Variants in DNA2 observed in about 807,000 individuals in gnomAD.
DNA2 encodes DNA replication ATP-dependent helicase/nuclease DNA2.
Under a neutral mutation model 119.1 loss-of-function variants are expected in DNA2, and 101 were observed. The ratio of observed to expected loss-of-function variants is 0.85; its 90% CI spans 0.72 to 1.00. The LOEUF is 1.00. Ranked by LOEUF, DNA2 falls within the 50% of genes least tolerant of loss-of-function variation. The pLI is 0.00. For missense variants in DNA2, 1,121 were observed against 1,255.5 expected (o/e 0.89, Z 1.62); for synonymous variants, 366 against 424.4 (o/e 0.86, Z 1.69).
intron 13 of DNA2, among the ~76,000 whole-genome samples, chr10:68,430,943 G>A (rs2051812226): frequency 6.6e-6 from 1 of 152,040 alleles, no homozygotes; most frequent in Non-Finnish European, 1.5e-5. Context: ...AGACTTGCCT[G>A]GGCAACAAAG....
chr10:68,457,284 G>C (rs928950426), intron 5 of DNA2, among the ~76,000 whole-genome samples: 1 of 152,136 alleles, frequency 6.6e-6, no homozygotes, highest in Non-Finnish European at 1.5e-5. Context: ...CATCACACTA[G>C]TTCGCTGAGA....
chr10:68,444,985 T>C lies in DNA2; in HGVS notation c.1156A>G (p.Ile386Val). ...QKTQLASLPQ[I>V]IEEEKTCKYC... ...TTACAAGTTTTCTCTTCCTCAATTA[T>C]TTGTGGCAAAGAAGCAAGCTGTGTC... Residue 386 changes from isoleucine to valine, a missense_variant, in exon 8 of 21, where the codon ATA becomes GTA. By Grantham distance (29) the Ile-to-Val change is conservative (BLOSUM62 3). Coordinates refer to ENST00000358410, the MANE Select transcript of DNA2 (RefSeq NM_001080449.3). 1 of 1,613,630 alleles carries C rather than the reference T, an allele frequency of 6.2e-7. No individual in the cohort carries two copies. Among genetic ancestry groups the C allele is most frequent in the African/African-American group, 1.3e-5 (1 of 75,038 alleles).
chr10:68,469,493 G>A (rs760190011), intron 2 of DNA2, among the ~76,000 whole-genome samples: 7 of 151,358 alleles, frequency 4.6e-5, no homozygotes, highest in Non-Finnish European at 7.4e-5. Context: ...ATGAAGTTTC[G>A]CTCTTGTTGC....
intron 6 of DNA2, among the ~76,000 whole-genome samples, chr10:68,448,500 A>C (rs2052071330): frequency 6.6e-6 from 1 of 152,162 alleles, no homozygotes; most frequent in Non-Finnish European, 1.5e-5. Flanking sequence ...ATGAACTACC[A>C]TAATTAATTT....
At chr10:68,468,081 C>T in intron 3 of DNA2, 42 bp downstream of exon 3, 1 of 1,421,054 alleles carries the variant, frequency 7.0e-7, no homozygotes, top group Non-Finnish European at 9.4e-7. Context: ...CTCTGTAAAA[C>T]TCTCAGACCC....
chr10:68,454,940 A>AT (rs113945256), intron 5 of DNA2, among the ~76,000 whole-genome samples: 6,405 of 138,624 alleles, frequency 0.046, 190 homozygotes, highest in Middle Eastern at 0.092. Context: ...TAAAATTAGG[A>AT]TTTTTTTTTT....
In DNA2 at chr10:68,465,802, G is replaced by T. The variant is rs369206536; in HGVS notation, c.452C>A (p.Pro151Gln). ...ACCAATTAGCATTTGGCGTGTGGCTGGATCAGAGCTCTACAAAAGCAAATC... is the reference window on the plus strand; with the variant it reads ...ACCAATTAGCATTTGGCGTGTGGCTTGATCAGAGCTCTACAAAAGCAAATC... ...VLSETFRSSDPATRQMLIGTV... is the reference protein window; with the variant it reads ...VLSETFRSSDQATRQMLIGTV... The change falls in exon 4 of 21, where the codon CCA becomes CAA. Residue 151 changes from proline to glutamine, a missense_variant. By Grantham distance (76) the Pro-to-Gln change is moderately conservative. Coordinates refer to ENST00000358410, the MANE Select transcript of DNA2 (RefSeq NM_001080449.3). The T allele has an allele frequency of 5.8e-6, 9 of 1,554,668 alleles. No individual in the cohort carries two copies. The highest frequency in any genetic ancestry group is 7.8e-6 in the Non-Finnish European group (9 of 1,151,540).
intron 9 of DNA2, among the ~76,000 whole-genome samples, chr10:68,439,226 C>T (rs914973396): frequency 6.6e-6 from 1 of 151,050 alleles, no homozygotes; most frequent in East Asian, 2.0e-4. Flanking sequence ...GAAACCCCAT[C>T]CCTACTAAAA....
chr10:68,468,187 G>T lies in DNA2; in HGVS notation c.377C>A (p.Ser126Tyr), dbSNP rs1471609645. 6.2e-7 allele frequency: 1 copy of T among 1,611,408 alleles called. No homozygotes were observed. Among genetic ancestry groups the T allele is most frequent in the Admixed American group, 1.7e-5 (1 of 59,648 alleles). Residue 126 changes from serine to tyrosine, a missense_variant, in exon 3 of 21, where the codon TCT becomes TAT. By Grantham distance (144) the Ser-to-Tyr change is moderately radical. Transcript: ENST00000358410. The stretch of plus-strand genomic sequence containing the variant: ...AATACTACTGGCTATGCTGGTGCCA[G>T]AAATCAGCATGTCTGGATACAGAAT... ...YLILYPDMLI[S>Y]GTSIASSIRC...
At chr10:68,424,338 T>C (rs1446183031) in intron 14 of DNA2, among the ~76,000 whole-genome samples, 7 of 151,890 alleles carry the variant, frequency 4.6e-5, no homozygotes, top group Admixed American at 3.9e-4. Flanking sequence ...AACCGGTCTC[T>C]ACAAAAAATA....
intron 20 of DNA2, among the ~76,000 whole-genome samples, chr10:68,415,505 A>C (rs113468703): frequency 0.036 from 5,445 of 151,940 alleles, 302 homozygotes; most frequent in African/African-American, 0.12. Flanking sequence ...CGAACTCCCA[A>C]CCTCAGGTAG....
At chr10:68,432,541 C>T in intron 10 of DNA2, 31 bp from the exon 11 acceptor site, 1 of 1,198,334 alleles carries the variant, frequency 8.3e-7, no homozygotes, top group Non-Finnish European at 1.2e-6. Flanking sequence ...TACATGAATG[C>T]TCGCCATTTC....
intron 14 of DNA2, among the ~76,000 whole-genome samples, chr10:68,427,277 G>C (rs1344951029): frequency 1.3e-5 from 2 of 151,824 alleles, no homozygotes; most frequent in Non-Finnish European, 2.9e-5. Flanking sequence ...AGAATCACTT[G>C]AACCTGGGAG....
In DNA2 at chr10:68,465,761, C is replaced by T; in HGVS notation, c.493G>A (p.Val165Met). 1 of 1,607,132 alleles carries T rather than the reference C, an allele frequency of 6.2e-7. No individual in the cohort carries two copies. The highest frequency in any genetic ancestry group is 8.5e-7 in the Non-Finnish European group (1 of 1,176,864). The stretch of plus-strand genomic sequence containing the variant: ...CTATTATTTATGGCTTTTTGAAACA[C>T]CTCATGGAGAACCGTACCAATTAGC... ...QMLIGTVLHEVFQKAINNSFA... is the reference protein window; with the variant it reads ...QMLIGTVLHEMFQKAINNSFA... The change falls in exon 4 of 21, where the codon GTG becomes ATG. Residue 165 changes from valine to methionine, a missense_variant. Transcript: ENST00000358410.
At chr10:68,469,389 A>C (rs1275565911) in intron 2 of DNA2, among the ~76,000 whole-genome samples, 1 of 129,640 alleles carries the variant, frequency 7.7e-6, no homozygotes, top group Non-Finnish European at 1.6e-5. Flanking sequence ...TACTAAAAAT[A>C]CAAAAAAAAA....
In DNA2 at chr10:68,457,121, G is replaced by A. The variant is rs539766791; in HGVS notation, c.719+1983C>T. On this transcript the variant is annotated intron_variant, in intron 5 of 20. Transcript: ENST00000358410. ...TGCACTCCAGCCTGGGCAACAGAGC[G>A]AGACTCCATCTCAAAAAAAAAAAAA... is the stretch of plus-strand genomic sequence containing the variant. Among the ~76,000 whole-genome samples the A allele has an allele frequency of 6.8e-3, 1,010 of 148,696 alleles. 5 individuals are homozygous for A. The highest frequency in any genetic ancestry group is 0.023 in the African/African-American group (934 of 40,014).
intron 20 of DNA2, among the ~76,000 whole-genome samples, chr10:68,416,259 G>A (rs763801616): frequency 2.6e-5 from 4 of 152,102 alleles, no homozygotes; most frequent in Non-Finnish European, 5.9e-5. Context: ...GAGCCCAGGT[G>A]TTCAAAACCA....
chr10:68,456,940 C>T (rs549062392), intron 5 of DNA2, among the ~76,000 whole-genome samples: 3 of 151,830 alleles, frequency 2.0e-5, no homozygotes, highest in Admixed American at 1.3e-4. Context: ...CGAGACCATC[C>T]TGGCTAACAC....
intron 6 of DNA2, among the ~76,000 whole-genome samples, chr10:68,448,949 G>T (rs1209786199): frequency 7.6e-6 from 1 of 131,010 alleles, no homozygotes; most frequent in Non-Finnish European, 1.6e-5. Context: ...GTGTGTGTGT[G>T]TGTGTGTGTG....
Sources: allele counts gnomAD v4.1 joint callset (sites outside exome capture counted in the v4.1 genomes callset), GRCh38; gene constraint gnomAD v4.1.1; transcripts MANE v1.5; gene names NCBI Gene and HGNC (gene_info 2026-07-23, HGNC 2026-07-21).